The following DIP2C variants were observed in gnomAD, a reference collection of about 807,000 sequenced individuals.
The protein encoded by DIP2C is DIP2 acetate--CoA ligase C (putative).
DIP2C carries 33 observed loss-of-function variants against 192.4 expected under a neutral mutation model. The ratio of observed to expected loss-of-function variants is 0.17; its 90% CI spans 0.13 to 0.23. The LOEUF (loss-of-function observed/expected upper bound fraction) is 0.23. Among genes scored for constraint, DIP2C ranks in the 10% least tolerant of loss-of-function variants. The probability of loss-of-function intolerance (pLI) is 1.00; values close to 1 mark genes in which losing one functional copy is unlikely to be tolerated. For synonymous variants in DIP2C, 979 were observed against 864.1 expected (o/e 1.13, Z -2.33); for missense variants, 1,537 against 2,110.1 (o/e 0.73, Z 5.32).
At chr10:287,401 T>C (rs1321131896) in intron 33 of DIP2C, among the ~76,000 whole-genome samples, 1 of 152,122 alleles carries the variant, frequency 6.6e-6, no homozygotes, top group Non-Finnish European at 1.5e-5. Flanking sequence ...GGCAAAACAT[T>C]TTATGGTAAA....
chr10:408,579 T>C (rs1408103709), intron 9 of DIP2C, among the ~76,000 whole-genome samples: 2 of 152,160 alleles, frequency 1.3e-5, no homozygotes, highest in African/African-American at 4.8e-5. Flanking sequence ...TGTAATTCAC[T>C]TGGAGTCCTT....
intron 31 of DIP2C, among the ~76,000 whole-genome samples, chr10:316,225 A>T (rs1956766897): frequency 6.6e-6 from 1 of 152,210 alleles, no homozygotes; most frequent in Non-Finnish European, 1.5e-5. Context: ...TTTTGATTAT[A>T]TAACACAATG....
At chr10:593,041 G>T (rs760721845) in intron 1 of DIP2C, among the ~76,000 whole-genome samples, 45 of 152,182 alleles carry the variant, frequency 3.0e-4, no homozygotes, top group Non-Finnish European at 5.1e-4. Flanking sequence ...ATGGGAGTGG[G>T]TATGAGAGAG....
intron 2 of DIP2C, among the ~76,000 whole-genome samples, chr10:482,159 T>C (rs1362775721): frequency 1.3e-5 from 2 of 151,770 alleles, no homozygotes; most frequent in African/African-American, 2.4e-5. Flanking sequence ...CTGAGCAGAG[T>C]TCCTCATGTG....
At chr10:341,674 G>A (rs1015416816) in intron 28 of DIP2C, among the ~76,000 whole-genome samples, 9 of 152,148 alleles carry the variant, frequency 5.9e-5, no homozygotes, top group East Asian at 3.8e-4. Flanking sequence ...CATTAAATGC[G>A]TGGGGCCTGA....
intron 2 of DIP2C, among the ~76,000 whole-genome samples, chr10:485,559 C>T (rs1843955128): frequency 6.6e-6 from 1 of 152,336 alleles, no homozygotes; most frequent in African/African-American, 2.4e-5. Flanking sequence ...AGCAGAATCT[C>T]CACACCGTTT....
At chr10:324,183 C>T (rs3097728) in intron 31 of DIP2C, among the ~76,000 whole-genome samples, 150,049 of 152,326 alleles carry the variant, frequency 0.99, 73,944 homozygotes, top group Middle Eastern at 1. Flanking sequence ...ACATGCCTAC[C>T]GTCCAACTCA....
rs116867055 is a variant in DIP2C at position 562,795 on chromosome 10, G to T, written c.86-76265C>A. ...AAATATTCTAGAGACAGATACATTTGGAGAGGACACACTCAACACAGAAAT... is the reference window on the plus strand; with the variant it reads ...AAATATTCTAGAGACAGATACATTTTGAGAGGACACACTCAACACAGAAAT... On this transcript the variant is annotated intron_variant, in intron 1 of 36. Transcript: ENST00000280886. Among the ~76,000 whole-genome samples the T allele has an allele frequency of 7.0e-3, 1,068 of 152,286 alleles. 10 individuals are homozygous for T. The highest frequency in any genetic ancestry group is 7.6e-3 in the Admixed American group (116 of 15,294).
chr10:340,648 C>T (rs2132554851), intron 29 of DIP2C: 1 of 410,928 alleles, frequency 2.4e-6, no homozygotes, highest in Non-Finnish European at 4.9e-6. Flanking sequence ...AGCCAAGAAA[C>T]ATCCATAAGT....
At chr10:656,935 G>A (rs1265765240) in intron 1 of DIP2C, among the ~76,000 whole-genome samples, 5 of 152,238 alleles carry the variant, frequency 3.3e-5, no homozygotes, top group African/African-American at 1.2e-4. Context: ...CATCCACTGT[G>A]AGGAACTCAA....
intron 1 of DIP2C, among the ~76,000 whole-genome samples, chr10:610,841 T>G (rs1401235987): frequency 6.9e-6 from 1 of 145,168 alleles, no homozygotes. Context: ...TGGGCCCTGG[T>G]GGGAGGTGAC....
At chr10:576,393 G>A (rs1437845119) in intron 1 of DIP2C, among the ~76,000 whole-genome samples, 2 of 152,234 alleles carry the variant, frequency 1.3e-5, no homozygotes, top group African/African-American at 4.8e-5. Context: ...GAGTCAGACA[G>A]GCCTGGTCTC....
In DIP2C at chr10:274,746, T is replaced by A. The variant is rs1164671825; in HGVS notation, c.*2579A>T. On this transcript the variant is annotated 3_prime_UTR_variant, in exon 37 of 37. Coordinates refer to ENST00000280886, the MANE Select transcript of DIP2C (RefSeq NM_014974.3). ...TATAATAAACAAGCACCATGAGGAA[T>A]CTGCTCCTGTTTGATTAGGTCTGTG... 6.6e-6 allele frequency: 1 copy of A among 152,216 alleles called. No individual in the cohort carries two copies. Among genetic ancestry groups the A allele is most frequent in the Non-Finnish European group, 1.5e-5 (1 of 68,032 alleles). The allele number at this position is 152,216 out of a possible 1,614,324, so 9.4% of individuals were successfully genotyped here.
intron 6 of DIP2C, 64 bp from the exon 7 acceptor site, chr10:415,952 C>A (rs1253813549): frequency 5.6e-6 from 9 of 1,601,210 alleles, no homozygotes; most frequent in Non-Finnish European, 7.7e-6. Flanking sequence ...CACCCACAGT[C>A]CCACAGTCCC....
At chr10:321,632 GGCTCCGGC>G (rs1957030895) in intron 31 of DIP2C, among the ~76,000 whole-genome samples, 1 of 120,642 alleles carries the variant, frequency 8.3e-6, no homozygotes. Flanking sequence ...GGGGGTGCGG[GGCTCCGGC>G]GAGAGACCGG....
At chr10:515,869 A>G (rs1846319502) in intron 1 of DIP2C, among the ~76,000 whole-genome samples, 1 of 152,174 alleles carries the variant, frequency 6.6e-6, no homozygotes, top group Non-Finnish European at 1.5e-5. Context: ...ACACTATGGT[A>G]AACACCTGCC....
intron 32 of DIP2C, among the ~76,000 whole-genome samples, chr10:294,580 T>G (rs1955656690): frequency 6.7e-6 from 1 of 148,250 alleles, no homozygotes; most frequent in Non-Finnish European, 1.5e-5. Flanking sequence ...GGTGACAGAG[T>G]GATACCCCAT....
At chr10:317,142 G>A (rs1956809758) in intron 31 of DIP2C, among the ~76,000 whole-genome samples, 1 of 152,218 alleles carries the variant, frequency 6.6e-6, no homozygotes. Context: ...CAAATGGATG[G>A]ATCTGTATGT....
chr10:426,545 A>G (rs574244688), intron 4 of DIP2C, among the ~76,000 whole-genome samples: 14 of 152,382 alleles, frequency 9.2e-5, no homozygotes, highest in African/African-American at 3.4e-4. Context: ...TACAATAGCC[A>G]AAATAATTTT....
Sources: gnomAD v4.1 joint callset for allele counts (sites outside exome capture counted in the v4.1 genomes callset) on GRCh38, gnomAD v4.1.1 for gene constraint, MANE v1.5 for transcripts, NCBI Gene and HGNC (gene_info 2026-07-23, HGNC 2026-07-21) for gene names.